Variants in IMPACT observed in about 807,000 individuals in gnomAD.
IMPACT encodes the protein impact RWD domain protein.
A neutral mutation model predicts 47.5 loss-of-function variants in IMPACT; 35 were observed. That is an observed-to-expected ratio of 0.74 (90% CI 0.56 to 0.98). The LOEUF (loss-of-function observed/expected upper bound fraction) is 0.98. Ranked by LOEUF, IMPACT falls within the 50% of genes least tolerant of loss-of-function variation. IMPACT has a pLI of 0.00. For synonymous variants in IMPACT, 118 were observed against 125.6 expected (o/e 0.94, Z 0.40); for missense variants, 373 against 394.8 (o/e 0.94, Z 0.47).
At chr18:24,427,642 T>C in intron 1 of IMPACT, 2 of 361,568 alleles carry the variant, frequency 5.5e-6, no homozygotes, top group Non-Finnish European at 9.9e-6. Flanking sequence ...CACTACAAAG[T>C]ATGGGAGTGC....
At position 24,437,981 on chromosome 18, in the gene IMPACT, A is replaced by G; in HGVS notation, c.308A>G (p.Tyr103Cys). 6.3e-7 allele frequency: 1 copy of G among 1,576,568 alleles called. No individual in the cohort carries two copies. The highest frequency in any genetic ancestry group is 8.6e-7 in the Non-Finnish European group (1 of 1,156,718). The change falls in exon 5 of 11, where the codon TAC becomes TGC. Residue 103 changes from tyrosine to cysteine, a missense_variant. By Grantham distance (194) the Tyr-to-Cys change is radical. Coordinates refer to ENST00000284202, the MANE Select transcript of IMPACT (RefSeq NM_018439.4). Reference sequence around the variant, plus strand: ...CAGAATATCGGTGAAAGTATTCTTTACCTGTGGGTGGAGAAAATAAGAGAT... The same window carrying G: ...CAGAATATCGGTGAAAGTATTCTTTGCCTGTGGGTGGAGAAAATAAGAGAT... ...YIQNIGESIL[Y>C]LWVEKIRDVL...
At chr18:24,439,477 A>C (rs1909036352) in intron 5 of IMPACT, 1 of 152,230 alleles carries the variant, frequency 6.6e-6, no homozygotes, top group South Asian at 2.1e-4. Flanking sequence ...CTGTACTAAA[A>C]ATACAAAAAA....
chr18:24,436,062 T>C (rs1200099695), intron 4 of IMPACT, among the ~76,000 whole-genome samples: 1 of 152,120 alleles, frequency 6.6e-6, no homozygotes, highest in East Asian at 1.9e-4. Context: ...GGTAAGGGCC[T>C]AGAGTCAGGA....
Position 24,449,859 on chromosome 18 carries a change from G to A in IMPACT, c.800G>A (p.Trp267Ter), listed in dbSNP as rs1308699607. Reference protein sequence around the residue: ...VKNVMVVVSRWYGGILLGPDR... With the variant: ...VKNVMVVVSR ...AATGTCATGGTGGTAGTATCACGCT[G>A]GTATGGAGGGATTCTGCTAGGACCA... The change falls in exon 10 of 11, where the codon TGG (tryptophan) becomes TAG (stop). Residue 267 changes from tryptophan (W) to a stop codon, truncating the protein, a stop_gained. Transcript: ENST00000284202. LOFTEE classifies it high-confidence loss of function. 6.2e-7 allele frequency: 1 copy of A among 1,612,874 alleles called. No individual in the cohort carries two copies. Among genetic ancestry groups the A allele is most frequent in the Non-Finnish European group, 8.5e-7 (1 of 1,179,292 alleles).
chr18:24,440,368 C>T (rs1435369134), intron 5 of IMPACT, 128 bp from the exon 6 acceptor site: 2 of 888,824 alleles, frequency 2.3e-6, no homozygotes, highest in Admixed American at 3.2e-5. Flanking sequence ...AACCAGTTCT[C>T]CTACGGGCTG....
chr18:24,449,605 G>A (rs1015910300), intron 9 of IMPACT, among the ~76,000 whole-genome samples: 1 of 152,154 alleles, frequency 6.6e-6, no homozygotes, highest in Non-Finnish European at 1.5e-5. Context: ...GAAACACAGT[G>A]ATGGTTTTCC....
At chr18:24,428,949 C>T (rs582358) in intron 3 of IMPACT, 28 bp downstream of exon 3, 1,390,383 of 1,522,244 alleles carry the variant, frequency 0.91, 636,690 homozygotes, top group Admixed American at 0.96. Context: ...GTTTATATTG[C>T]TATAAAAAGA....
chr18:24,440,732 T>A (rs528291316), intron 6 of IMPACT, 114 bp downstream of exon 6: 3 of 1,031,844 alleles, frequency 2.9e-6, no homozygotes, highest in Non-Finnish European at 2.7e-6. Context: ...GAAGGAGTTA[T>A]TAATTTGCAG....
chr18:24,426,914 C>A, intron 1 of IMPACT, 122 bp downstream of exon 1: 2 of 636,650 alleles, frequency 3.1e-6, no homozygotes, highest in Non-Finnish European at 4.5e-6. Context: ...GCACTGGCCA[C>A]GCCATTTGCT....
In IMPACT at chr18:24,440,560, A is replaced by G. The variant is rs749056681; in HGVS notation, c.432A>G (p.Ala144=). The change falls in exon 6 of 11, where the codon GCA becomes GCG. Residue 144 remains alanine, a synonymous_variant. Coordinates refer to ENST00000284202, the MANE Select transcript of IMPACT (RefSeq NM_018439.4). ...DVECEDDLIL[A]CQPESSLKAL... ...AATGTGAAGATGATCTCATTTTAGC[A>G]TGTCAGCCGGAAAGTTCGCTTAAAG... 1.2e-6 allele frequency: 2 copies of G among 1,613,464 alleles called. No individual in the cohort carries two copies. Among genetic ancestry groups the G allele is most frequent in the Non-Finnish European group, 1.7e-6 (2 of 1,179,504 alleles).
chr18:24,440,383 C>G (rs1034937643), intron 5 of IMPACT, 113 bp from the exon 6 acceptor site: 3 of 1,083,686 alleles, frequency 2.8e-6, no homozygotes, highest in Non-Finnish European at 4.0e-6. Flanking sequence ...GGGCTGAGTG[C>G]TGGTTCCTTT....
intron 4 of IMPACT, among the ~76,000 whole-genome samples, chr18:24,434,809 GTA>G (rs1354924607): frequency 1.4e-4 from 18 of 127,848 alleles, no homozygotes; most frequent in Admixed American, 7.6e-4. Flanking sequence ...GTGTGTGTGT[GTA>G]TATATATGTG....
In IMPACT at chr18:24,450,907, C is replaced by G. The variant is rs1465048539; in HGVS notation, c.*60C>G. 3.9e-6 allele frequency: 4 copies of G among 1,015,332 alleles called. No individual in the cohort carries two copies. The highest frequency in any genetic ancestry group is 4.6e-6 in the Non-Finnish European group (3 of 656,216). 62.9% of individuals were successfully genotyped at this position (1,015,332 alleles called of 1,614,324 possible). On this transcript the variant is annotated 3_prime_UTR_variant, in exon 11 of 11. Coordinates refer to ENST00000284202, the MANE Select transcript of IMPACT (RefSeq NM_018439.4). ...AATTATATATACATTCCATAGTCATCAAGGAATATATTGTGCAGAGAGAGT... is the reference window on the plus strand; with the variant it reads ...AATTATATATACATTCCATAGTCATGAAGGAATATATTGTGCAGAGAGAGT...
At chr18:24,447,766 G>A (rs1341089959) in intron 8 of IMPACT, among the ~76,000 whole-genome samples, 1 of 151,948 alleles carries the variant, frequency 6.6e-6, no homozygotes, top group East Asian at 1.9e-4. Context: ...CTCAATAAAT[G>A]TTTTTCAATG....
intron 4 of IMPACT, among the ~76,000 whole-genome samples, chr18:24,433,449 T>C (rs1471749640): frequency 4.6e-5 from 7 of 150,632 alleles, no homozygotes; most frequent in Non-Finnish European, 8.9e-5. Flanking sequence ...TCCACCCGCC[T>C]CGGCCTCCCA....
chr18:24,430,257 A>G, intron 3 of IMPACT, 65 bp from the exon 4 acceptor site: 1 of 1,092,594 alleles, frequency 9.2e-7, no homozygotes, highest in East Asian at 2.5e-5. Flanking sequence ...TTGTGATGTA[A>G]TCTGTAATTT....
intron 1 of IMPACT, 55 bp from the exon 2 acceptor site, chr18:24,427,864 A>T: frequency 6.6e-7 from 1 of 1,511,762 alleles, no homozygotes; most frequent in Admixed American, 2.1e-5. Context: ...AGTAGTAAGA[A>T]TAGGATTTTA....
chr18:24,430,633 A>G (rs533749931), intron 4 of IMPACT, among the ~76,000 whole-genome samples: 1 of 152,322 alleles, frequency 6.6e-6, no homozygotes, highest in South Asian at 2.1e-4. Flanking sequence ...ACACTTAGGC[A>G]TAGGCTTGTA....
chr18:24,432,094 C>T (rs1433443617), intron 4 of IMPACT, among the ~76,000 whole-genome samples: 1 of 152,194 alleles, frequency 6.6e-6, no homozygotes, highest in African/African-American at 2.4e-5. Context: ...TCAAGCAGTT[C>T]TCCTGCCTTG....
Sources: gnomAD v4.1 joint callset for allele counts (sites outside exome capture counted in the v4.1 genomes callset) on GRCh38, gnomAD v4.1.1 for gene constraint, MANE v1.5 for transcripts, NCBI Gene and HGNC (gene_info 2026-07-23, HGNC 2026-07-21) for gene names.